Variants in GOLGB1 observed in about 807,000 individuals in gnomAD.
The protein encoded by GOLGB1 is golgin subfamily B member 1.
In GOLGB1, 174 loss-of-function variants were observed where a neutral mutation model predicts 336.9. The observed-to-expected ratio is 0.52, with a 90% CI of 0.46 to 0.59. GOLGB1 has a LOEUF of 0.59. Among genes scored for constraint, GOLGB1 ranks in the 20% least tolerant of loss-of-function variants. GOLGB1 has a pLI of 0.00. For missense variants in GOLGB1, 3,331 were observed against 3,645.3 expected (o/e 0.91, Z 2.22); for synonymous variants, 1,208 against 1,289.2 (o/e 0.94, Z 1.35).
intron 9 of GOLGB1, among the ~76,000 whole-genome samples, chr3:121,715,358 A>G (rs1944674308): frequency 6.7e-6 from 1 of 149,698 alleles, no homozygotes; most frequent in Non-Finnish European, 1.5e-5. Context: ...ATGCGTCACC[A>G]TGCCTGGCTA....
At chr3:121,665,393 A>G (rs759504044) in intron 20 of GOLGB1, among the ~76,000 whole-genome samples, 58 of 151,118 alleles carry the variant, frequency 3.8e-4, no homozygotes, top group Non-Finnish European at 6.9e-4. Context: ...TAAGCGGCAG[A>G]GCCAGAATTC....
chr3:121,682,079 C>A (rs1274181105), intron 14 of GOLGB1, among the ~76,000 whole-genome samples: 10 of 152,218 alleles, frequency 6.6e-5, no homozygotes, highest in Admixed American at 6.5e-4. Context: ...GCCATCAAGG[C>A]TACAGGGTGT....
Position 121,691,187 on chromosome 3 carries a change from A to C in GOLGB1, c.8177T>G (p.Met2726Arg). ...DLVEMEQKLL[M>R]VTKENKGLTA... is the part of the protein sequence containing the mutation. ...GAGACCTTTATTTTCTTTGGTGACC[A>C]TGAGTAATTTCTGTTCCATCTCCAC... The change falls in exon 14 of 22, where the codon ATG (methionine) becomes AGG (arginine). Residue 2726 changes from methionine to arginine, a missense_variant. Coordinates refer to ENST00000614479, the MANE Select transcript of GOLGB1 (RefSeq NM_001366282.2). The C allele has an allele frequency of 1.9e-6, 3 of 1,613,616 alleles. No homozygotes were observed. The highest frequency in any genetic ancestry group is 2.5e-6 in the Non-Finnish European group (3 of 1,179,910).
intron 15 of GOLGB1, among the ~76,000 whole-genome samples, chr3:121,679,941 A>G (rs1940876461): frequency 6.6e-6 from 1 of 152,190 alleles, no homozygotes; most frequent in African/African-American, 2.4e-5. Flanking sequence ...CTGGACTTTG[A>G]GTACTACCCA....
chr3:121,695,139 G>T lies in GOLGB1; in HGVS notation c.5384C>A (p.Thr1795Lys), dbSNP rs1465477393. 6.2e-7 allele frequency: 1 copy of T among 1,613,568 alleles called. No individual in the cohort carries two copies. Reference protein sequence around the residue: ...DNQTNVTEEGTQSIPGETEEQ... With the variant: ...DNQTNVTEEGKQSIPGETEEQ... The stretch of plus-strand genomic sequence containing the variant: ...TTCAGTCTCACCTGGTATAGACTGT[G>T]TTCCCTCTTCAGTGACATTCGTTTG... The change falls in exon 13 of 22, where the codon ACA becomes AAA. Residue 1795 changes from threonine (T) to lysine (K), a missense_variant. Coordinates refer to ENST00000614479, the MANE Select transcript of GOLGB1 (RefSeq NM_001366282.2).
chr3:121,666,336 C>T (rs1014547283), intron 20 of GOLGB1, among the ~76,000 whole-genome samples: 3 of 152,152 alleles, frequency 2.0e-5, no homozygotes, highest in Non-Finnish European at 4.4e-5. Flanking sequence ...GAGTCATCAT[C>T]CCACACATGC....
Position 121,681,681 on chromosome 3 carries a change from T to C in GOLGB1, c.8873+6A>G, listed in dbSNP as rs557263785. The C allele has an allele frequency of 8.3e-6, 13 of 1,559,646 alleles. No individual in the cohort carries two copies. The African/African-American group carries it at 1.5e-4, about 18-fold the overall frequency. ...AGAGTTGAAAAGGAGGGATTATATA[T>C]AGTACCTGAGCTGATGCAGCTCATG... On this transcript the variant is annotated splice_donor_region_variant and intron_variant, in intron 15 of 21. Coordinates refer to ENST00000614479, the MANE Select transcript of GOLGB1 (RefSeq NM_001366282.2).
In GOLGB1 at chr3:121,697,002, A is replaced by C. The variant is rs753220538; in HGVS notation, c.3521T>G (p.Leu1174Arg). Residue 1174 changes from leucine to arginine, a missense_variant, in exon 13 of 22, where the codon CTT becomes CGT. Leu to Arg is a moderately radical substitution (Grantham distance 102). Coordinates refer to ENST00000614479, the MANE Select transcript of GOLGB1 (RefSeq NM_001366282.2). ...KPELEEKILA[L>R]EKEKEQLQKK... Reference sequence around the variant, plus strand: ...TTGAAGTTGCTCCTTTTCTTTTTCAAGGGCCAGTATCTTTTCTTCTAGTTC... The same window carrying C: ...TTGAAGTTGCTCCTTTTCTTTTTCACGGGCCAGTATCTTTTCTTCTAGTTC... 6.2e-7 allele frequency: 1 copy of C among 1,613,982 alleles called. No homozygotes were observed. Among genetic ancestry groups the C allele is most frequent in the East Asian group, 2.2e-5 (1 of 44,876 alleles).
chr3:121,674,825 C>CTTTTTTT (rs891603400), intron 17 of GOLGB1, among the ~76,000 whole-genome samples: 7 of 121,038 alleles, frequency 5.8e-5, no homozygotes, highest in African/African-American at 1.3e-4. Context: ...AGGTGCCTTT[C>CTTTTTTT]TTTTTTTTTT....
chr3:121,686,982 A>G (rs1265039347), intron 14 of GOLGB1, among the ~76,000 whole-genome samples: 1 of 152,178 alleles, frequency 6.6e-6, no homozygotes, highest in Non-Finnish European at 1.5e-5. Context: ...TGGATAAATT[A>G]CAGGGTCTTG....
intron 6 of GOLGB1, among the ~76,000 whole-genome samples, chr3:121,721,448 G>A (rs982172025): frequency 2.2e-4 from 33 of 152,074 alleles, no homozygotes; most frequent in Non-Finnish European, 1.5e-4. Context: ...GCAACATATT[G>A]AGAACCTGTC....
chr3:121,705,991 G>C (rs933014670), intron 10 of GOLGB1, among the ~76,000 whole-genome samples: 1 of 151,984 alleles, frequency 6.6e-6, no homozygotes, highest in Admixed American at 6.6e-5. Flanking sequence ...GAATTTAACT[G>C]AGTCGCATAA....
rs1478799510 is a variant in GOLGB1, at chr3:121,747,269, GTATATATGTATATATGTATA to G, written c.-3+2343_-3+2362del. On this transcript the variant is annotated intron_variant, in intron 1 of 21. Coordinates refer to ENST00000614479, the MANE Select transcript of GOLGB1 (RefSeq NM_001366282.2). ...AAAATCCATGTGTGTATATATATAT[GTATATATGTATATATGTATA>G]TATATGTGTATATATGTATATATGT... Among the ~76,000 whole-genome samples, 5 of 124,338 alleles carry G rather than the reference GTATATATGTATATATGTATA, an allele frequency of 4.0e-5. No individual in the cohort carries two copies. The South Asian group carries it at 7.7e-4, about 19-fold the overall frequency. The allele number at this position is 124,338 out of a possible 152,430, so 81.6% of individuals were successfully genotyped here.
rs1329066138 is a variant in GOLGB1 at position 121,706,745 on chromosome 3, A to AC, written c.1405-4151_1405-4150insG. Among the ~76,000 whole-genome samples the AC allele has an allele frequency of 2.1e-4, 31 of 149,250 alleles. No homozygotes were observed. In the South Asian group the frequency reaches 6.1e-3, roughly 29 times the overall value. On this transcript the variant is annotated intron_variant, in intron 10 of 21. Coordinates refer to ENST00000614479, the MANE Select transcript of GOLGB1 (RefSeq NM_001366282.2). ...TGAGACTCTGTCTCAAAAAAAAAAA[A>AC]AAAAAAAAAAAAAACCAACAAAGAA...
chr3:121,729,656 A>T (rs1945935211), intron 3 of GOLGB1, among the ~76,000 whole-genome samples: 1 of 151,954 alleles, frequency 6.6e-6, no homozygotes, highest in Admixed American at 6.6e-5. Context: ...GCCTCAAGAA[A>T]TCCTCCCATC....
chr3:121,737,619 T>C (rs1971281), intron 1 of GOLGB1, among the ~76,000 whole-genome samples: 19,077 of 148,078 alleles, frequency 0.13, 1,418 homozygotes, highest in African/African-American at 0.2. Flanking sequence ...ACCACTGCAC[T>C]CCAGCCTGGG....
intron 1 of GOLGB1, among the ~76,000 whole-genome samples, chr3:121,731,732 A>C (rs551207258): frequency 6.6e-6 from 1 of 152,368 alleles, no homozygotes; most frequent in Non-Finnish European, 1.5e-5. Context: ...TTAGAAAAGG[A>C]GGAAGGACAG....
At chr3:121,693,632 A>G in intron 13 of GOLGB1, 109 bp downstream of exon 13, 1 of 796,666 alleles carries the variant, frequency 1.3e-6, no homozygotes, top group Non-Finnish European at 2.0e-6. Flanking sequence ...TCTTCCATGG[A>G]CATTTATGCC....
chr3:121,670,287 A>G (rs930458874), intron 17 of GOLGB1, among the ~76,000 whole-genome samples: 1 of 152,178 alleles, frequency 6.6e-6, no homozygotes, highest in African/African-American at 2.4e-5. Flanking sequence ...ATTATATGAG[A>G]GGAACCCAGT....
Sources: gnomAD v4.1 joint callset for allele counts (sites outside exome capture counted in the v4.1 genomes callset) on GRCh38, gnomAD v4.1.1 for gene constraint, MANE v1.5 for transcripts, NCBI Gene and HGNC (gene_info 2026-07-23, HGNC 2026-07-21) for gene names.